IDS: variants seen among roughly 807,000 people sequenced by gnomAD.
The protein encoded by IDS is iduronate 2-sulfatase.
In IDS, 1 loss-of-function variant was observed where a neutral mutation model predicts 33.5. That is an observed-to-expected ratio of 0.03 (90% confidence interval 0.01 to 0.14). The LOEUF is 0.14. IDS is among the 10% of genes least tolerant of loss of function. IDS has a pLI of 1.00. For synonymous variants in IDS, 191 were observed against 184.4 expected, an observed-to-expected ratio of 1.04 and a Z score of -0.29; for missense variants, 328 against 448.0, an observed-to-expected ratio of 0.73 and a Z score of 2.42.
At chrX:149,486,380 A>AAGGTCG (rs2089335672) in intron 8 of IDS, among the ~76,000 whole-genome samples, 3 of 111,696 alleles carry the variant, frequency 2.7e-5, no homozygotes, top group Non-Finnish European at 5.6e-5. Flanking sequence ...AAAGCTTTGA[A>AAGGTCG]GGACTGGCAC....
At chrX:149,504,454 G>T (rs1167205919) in intron 1 of IDS, among the ~76,000 whole-genome samples, 161 bp from the exon 2 acceptor site, 2 of 111,809 alleles carry the variant, frequency 1.8e-5, no homozygotes, top group Non-Finnish European at 3.8e-5. Flanking sequence ...AGTGGGGCTC[G>T]AGGAGGAAGC....
chrX:149,499,397 T>A (rs1267481014), intron 4 of IDS: 3 of 109,714 alleles, frequency 2.7e-5, no homozygotes, highest in Non-Finnish European at 5.7e-5. Flanking sequence ...CAATTTATAC[T>A]GTTATGTGGC....
chrX:149,487,638 T>C (rs1360248981), intron 7 of IDS, among the ~76,000 whole-genome samples: 1 of 112,586 alleles, frequency 8.9e-6, no homozygotes, highest in Non-Finnish European at 1.9e-5. Flanking sequence ...TTTTAAGACA[T>C]ACCATAGATA....
At chrX:149,485,046 T>C (rs1338438941) in intron 8 of IDS, among the ~76,000 whole-genome samples, 9 of 111,451 alleles carry the variant, frequency 8.1e-5, no homozygotes, top group African/African-American at 2.9e-4. Context: ...CTGAATGTAG[T>C]CATGTGGAAG....
At chrX:149,498,436 C>T in intron 4 of IDS, 129 bp from the exon 5 acceptor site, 1 of 523,833 alleles carries the variant, frequency 1.9e-6, no homozygotes, top group Non-Finnish European at 3.1e-6. Flanking sequence ...TGAACAGAGA[C>T]ATCAGAAGTA....
chrX:149,480,338 G>A lies in IDS; in HGVS notation c.*2408C>T, dbSNP rs1265962132. On this transcript the variant is annotated 3_prime_UTR_variant, in exon 9 of 9. Coordinates refer to ENST00000340855, the MANE Select transcript of IDS (RefSeq NM_000202.8). ...ATGGCAATGGGAGTGGGGAGGAAGG[G>A]GCTGATTGCCTTTGTGACCTCACTA... The A allele has an allele frequency of 3.0e-5, 9 of 295,238 alleles. No individual in the cohort carries two copies. The highest frequency in any genetic ancestry group is 1.7e-4 in the African/African-American group (6 of 36,156). 24.3% of individuals were successfully genotyped at this position (295,238 alleles called of 1,213,427 possible). A position where few individuals can be genotyped will look rare whatever the true frequency, so the allele number is the denominator to read the frequency against.
intron 7 of IDS, among the ~76,000 whole-genome samples, chrX:149,488,441 CG>C (rs1409770474): frequency 3.6e-5 from 4 of 109,761 alleles, no homozygotes; most frequent in African/African-American, 1.4e-4. Context: ...AGGATGGCAA[CG>C]TGAGGGAACC....
intron 6 of IDS, among the ~76,000 whole-genome samples, chrX:149,492,691 A>G (rs1338846425): frequency 7.2e-5 from 8 of 110,716 alleles, no homozygotes; most frequent in African/African-American, 2.6e-4. Context: ...GGACACAGAC[A>G]CAGATTCCAG....
At position 149,480,102 on chromosome X, in the gene IDS, G is replaced by C. The variant is rs1557337300; in HGVS notation, c.*2644C>G. The C allele has an allele frequency of 3.4e-6, 1 of 294,926 alleles. No homozygotes were observed. The allele number at this position is 294,926 out of a possible 1,213,427, so 24.3% of individuals were successfully genotyped here. On this transcript the variant is annotated 3_prime_UTR_variant, in exon 9 of 9. Coordinates refer to ENST00000340855, the MANE Select transcript of IDS (RefSeq NM_000202.8). ...AAGGTGGGGACCAGTAGTCATACTG[G>C]TCAGCCAAGGAAAGGGGCATTGTGG...
intron 6 of IDS, among the ~76,000 whole-genome samples, chrX:149,495,882 G>C (rs1264524319): frequency 8.9e-6 from 1 of 112,356 alleles, no homozygotes; most frequent in Non-Finnish European, 1.9e-5. Flanking sequence ...TGCACCAAGG[G>C]CCTGTTCACC....
intron 3 of IDS, chrX:149,502,165 G>A (rs782653895): frequency 7.3e-5 from 24 of 329,455 alleles, no homozygotes; most frequent in African/African-American, 5.6e-4. Context: ...TGAAAAATGT[G>A]TTCCCACAAG....
In IDS at chrX:149,488,453, T is replaced by A. The variant is rs492539; in HGVS notation, c.1007-1355A>T. 6.1e-3 allele frequency among the ~76,000 whole-genome samples: 672 copies of A among 110,242 alleles called. 9 individuals carry two copies. Among genetic ancestry groups the A allele is most frequent in the African/African-American group, 0.021 (639 of 29,969 alleles). On this transcript the variant is annotated intron_variant, in intron 7 of 8. Coordinates refer to ENST00000340855, the MANE Select transcript of IDS (RefSeq NM_000202.8). ...TGCAGGATGGCAACGTGAGGGAACCTGGCAGTGCGACCTCAGGAATCCACT... is the reference window on the plus strand; with the variant it reads ...TGCAGGATGGCAACGTGAGGGAACCAGGCAGTGCGACCTCAGGAATCCACT...
In IDS at chrX:149,482,502, G is replaced by GTT. The variant is rs1557337517; in HGVS notation, c.*242_*243dup. On this transcript the variant is annotated 3_prime_UTR_variant, in exon 9 of 9. Transcript: ENST00000340855. ...TTTATTCAGTAAATAAGCCGTAACT[G>GTT]TTTTAAAAAGAGGGAAATTAAAAAA... is the stretch of plus-strand genomic sequence containing the variant. 1.2e-5 allele frequency: 5 copies of GTT among 400,932 alleles called. No individual in the cohort carries two copies. The highest frequency in any genetic ancestry group is 8.4e-6 in the Non-Finnish European group (2 of 237,438). 33.0% of individuals were successfully genotyped at this position (400,932 alleles called of 1,213,427 possible). A position where few individuals can be genotyped will look rare whatever the true frequency, so the allele number is the denominator to read the frequency against.
chrX:149,478,051 G>A lies in IDS; in HGVS notation c.*4695C>T, dbSNP rs781916643. On this transcript the variant is annotated 3_prime_UTR_variant, in exon 9 of 9. Transcript: ENST00000340855. ...CAGGATGGACTTGGGAAAGGAAAAG[G>A]GGCTGAGCCTCTATTTGGGAGTTTA... The A allele has an allele frequency of 9.8e-5, 11 of 111,941 alleles. No homozygotes were observed. The South Asian group carries it at 3.4e-3, about 35-fold the overall frequency. 9.2% of individuals were successfully genotyped at this position (111,941 alleles called of 1,213,427 possible).
In IDS at chrX:149,482,561, T is replaced by C. The variant is rs2089301203; in HGVS notation, c.*185A>G. Reference sequence around the variant, plus strand: ...TCCAATTACCAATTATAAATTTTAATAAAGACTAAACGAAAAGGTTTGGCT... The same window carrying C: ...TCCAATTACCAATTATAAATTTTAACAAAGACTAAACGAAAAGGTTTGGCT... On this transcript the variant is annotated 3_prime_UTR_variant, in exon 9 of 9. Transcript: ENST00000340855. 1.6e-6 allele frequency: 1 copy of C among 628,992 alleles called. No homozygotes were observed. Among genetic ancestry groups the C allele is most frequent in the Admixed American group, 4.1e-5 (1 of 24,181 alleles). The allele number at this position is 628,992 out of a possible 1,213,427, so 51.8% of individuals were successfully genotyped here.
At chrX:149,484,572 G>A (rs1275985745) in intron 8 of IDS, among the ~76,000 whole-genome samples, 2 of 112,728 alleles carry the variant, frequency 1.8e-5, no homozygotes, top group Non-Finnish European at 3.8e-5. Context: ...CGCCCACCTT[G>A]GCCTCCCAAA....
chrX:149,490,206 T>C, intron 7 of IDS, 108 bp downstream of exon 7: 1 of 862,833 alleles, frequency 1.2e-6, no homozygotes, highest in Non-Finnish European at 1.7e-6. Flanking sequence ...GAACCACTGG[T>C]TCACAAAAGA....
At chrX:149,494,171 G>A (rs1391436672) in intron 6 of IDS, among the ~76,000 whole-genome samples, 1 of 111,550 alleles carries the variant, frequency 9.0e-6, no homozygotes, top group Non-Finnish European at 1.9e-5. Flanking sequence ...CAGAGGGTGT[G>A]GCTGGAGTGT....
Position 149,482,342 on chromosome X carries a change from T to TA in IDS, c.*403dup, listed in dbSNP as rs1205992086. The TA allele has an allele frequency of 6.8e-6, 1 of 148,075 alleles. No individual in the cohort carries two copies. Among genetic ancestry groups the TA allele is most frequent in the East Asian group, 1.9e-4 (1 of 5,241 alleles). 12.2% of individuals were successfully genotyped at this position (148,075 alleles called of 1,213,427 possible). On this transcript the variant is annotated 3_prime_UTR_variant, in exon 9 of 9. Coordinates refer to ENST00000340855, the MANE Select transcript of IDS (RefSeq NM_000202.8). ...GAACTTAGTGTGGTGCCTAGTTTGA[T>TA]ATATGATTACTTTTTGAAATGCACT...
Sources: gnomAD v4.1 joint callset for allele counts (sites outside exome capture counted in the v4.1 genomes callset) on GRCh38, gnomAD v4.1.1 for gene constraint, MANE v1.5 for transcripts, NCBI Gene and HGNC (gene_info 2026-07-23, HGNC 2026-07-21) for gene names.